COL25A1: variants seen among roughly 807,000 people sequenced by gnomAD.
The protein encoded by COL25A1 is collagen alpha-1(XXV) chain.
Under a neutral mutation model 128.4 loss-of-function variants are expected in COL25A1, and 103 were observed. That is an observed-to-expected ratio of 0.80 (90% CI 0.68 to 0.94). The LOEUF is 0.94. COL25A1 is among the 40% of genes least tolerant of loss of function. The pLI is 0.00. For synonymous variants in COL25A1, 279 were observed against 277.2 expected (o/e 1.01, Z -0.06); for missense variants, 745 against 840.0 (o/e 0.89, Z 1.40).
intron 4 of COL25A1, among the ~76,000 whole-genome samples, chr4:109,048,722 C>T (rs1364617436): frequency 6.6e-6 from 1 of 152,098 alleles, no homozygotes; most frequent in African/African-American, 2.4e-5. Flanking sequence ...ATTTCACACA[C>T]CATTATGCTC....
chr4:109,236,383 CAGA>C, intron 3 of COL25A1, among the ~76,000 whole-genome samples: 1 of 152,164 alleles, frequency 6.6e-6, no homozygotes, highest in Admixed American at 6.6e-5. Flanking sequence ...TGCTAGGCAT[CAGA>C]GGCAGCAGAA....
At chr4:108,898,118 A>G (rs1441447485) in intron 15 of COL25A1, among the ~76,000 whole-genome samples, 1 of 152,178 alleles carries the variant, frequency 6.6e-6, no homozygotes, top group East Asian at 1.9e-4. Context: ...AAAATTGCAC[A>G]AAAATCCCTC....
At chr4:109,294,794 G>C (rs374405866) in intron 3 of COL25A1, among the ~76,000 whole-genome samples, 16 of 152,068 alleles carry the variant, frequency 1.1e-4, no homozygotes, top group East Asian at 5.8e-4. Flanking sequence ...ATAGATTGAT[G>C]TTATTTGGAT....
chr4:109,300,791 A>G, intron 2 of COL25A1, 139 bp from the exon 3 acceptor site: 1 of 599,878 alleles, frequency 1.7e-6, no homozygotes. Context: ...CTTGGACTCT[A>G]GTCAAGAAAG....
At chr4:108,958,616 T>C (rs1750334428) in intron 8 of COL25A1, among the ~76,000 whole-genome samples, 1 of 152,012 alleles carries the variant, frequency 6.6e-6, no homozygotes, top group Non-Finnish European at 1.5e-5. Flanking sequence ...CCTCAAAGTC[T>C]CCTATGTTTC....
intron 3 of COL25A1, among the ~76,000 whole-genome samples, chr4:109,059,614 C>G (rs995518805): frequency 6.6e-6 from 1 of 152,192 alleles, no homozygotes; most frequent in Non-Finnish European, 1.5e-5. Context: ...TAAAAAGACA[C>G]TGTTCTCTCT....
chr4:109,288,367 A>T (rs1724095262), intron 3 of COL25A1, among the ~76,000 whole-genome samples: 1 of 152,198 alleles, frequency 6.6e-6, no homozygotes, highest in African/African-American at 2.4e-5. Flanking sequence ...ACACAGTCAA[A>T]AATATAAGAC....
intron 3 of COL25A1, among the ~76,000 whole-genome samples, chr4:109,062,915 G>A (rs1357601341): frequency 6.6e-6 from 1 of 152,140 alleles, no homozygotes; most frequent in African/African-American, 2.4e-5. Context: ...TTTATGCTGA[G>A]ATAAAAATGG....
rs1298449283 is a variant in COL25A1 at position 108,810,462 on chromosome 4, TC to T, written c.*3464del. The T allele has an allele frequency of 2.0e-4, 30 of 151,994 alleles. No individual in the cohort carries two copies. The highest frequency in any genetic ancestry group is 6.7e-4 in the African/African-American group (28 of 41,526). The allele number at this position is 151,994 out of a possible 1,614,324, so 9.4% of individuals were successfully genotyped here. A position where few individuals can be genotyped will look rare whatever the true frequency, so the allele number is the denominator to read the frequency against. On this transcript the variant is annotated 3_prime_UTR_variant, in exon 38 of 38. Coordinates refer to ENST00000399132, the MANE Select transcript of COL25A1 (RefSeq NM_198721.4). The stretch of plus-strand genomic sequence containing the variant: ...GGTAGGAATTAAAGATATTCTAATG[TC>T]CTCTATAAAATCACATGAGAAAAAA...
At chr4:108,959,314 G>A (rs557782668) in intron 8 of COL25A1, among the ~76,000 whole-genome samples, 14 of 152,068 alleles carry the variant, frequency 9.2e-5, no homozygotes, top group African/African-American at 3.1e-4. Context: ...CCCAATATTA[G>A]CAACTAATCT....
chr4:108,962,553 T>C (rs1750849266), intron 8 of COL25A1, among the ~76,000 whole-genome samples: 1 of 152,124 alleles, frequency 6.6e-6, no homozygotes, highest in Non-Finnish European at 1.5e-5. Context: ...GAGTATCCTA[T>C]GTAACCAGTT....
chr4:109,060,688 A>C (rs1412522765), intron 3 of COL25A1, among the ~76,000 whole-genome samples: 4 of 113,906 alleles, frequency 3.5e-5, no homozygotes, highest in East Asian at 2.0e-4. Flanking sequence ...CTCAATTTTC[A>C]AAAAAAAAAA....
At chr4:109,231,522 C>A (rs1316624886) in intron 3 of COL25A1, among the ~76,000 whole-genome samples, 1 of 152,188 alleles carries the variant, frequency 6.6e-6, no homozygotes, top group Non-Finnish European at 1.5e-5. Context: ...GGAAAGACAA[C>A]TGCAGAGAGG....
At chr4:108,886,143 G>A (rs901475846) in intron 18 of COL25A1, among the ~76,000 whole-genome samples, 13 of 152,094 alleles carry the variant, frequency 8.5e-5, no homozygotes, top group Admixed American at 3.9e-4. Context: ...CAGATACTTA[G>A]AAATTCATAT....
intron 3 of COL25A1, among the ~76,000 whole-genome samples, chr4:109,218,356 G>GTTTTTTTTTTTTTTTTTT (rs796441649): frequency 1.6e-4 from 16 of 100,460 alleles, no homozygotes; most frequent in African/African-American, 6.1e-4. Flanking sequence ...GGTTTTTTGG[G>GTTTTTTTTTTTTTTTTTT]GTTTTTTTTT....
At chr4:109,112,675 G>A (rs1767139679) in intron 3 of COL25A1, among the ~76,000 whole-genome samples, 1 of 151,950 alleles carries the variant, frequency 6.6e-6, no homozygotes, top group Admixed American at 6.6e-5. Context: ...AATGATAGTA[G>A]TCCCAAAGAA....
Position 109,213,623 on chromosome 4 carries a change from A to AT in COL25A1, c.367+86959_367+86960insA, listed in dbSNP as rs1777761336. Among the ~76,000 whole-genome samples the AT allele has an allele frequency of 2.0e-5, 3 of 152,318 alleles. 1 individual carries two copies. The South Asian group carries it at 6.2e-4, about 32-fold the overall frequency. On this transcript the variant is annotated intron_variant, in intron 3 of 37. Transcript: ENST00000399132. Reference sequence around the variant, plus strand: ...CAGCCATGTAAGTGAGTCATCTTAGAAATGGATCCTGCAGCCCCAGTTGAG... The same window carrying AT: ...CAGCCATGTAAGTGAGTCATCTTAGATAATGGATCCTGCAGCCCCAGTTGAG...
intron 19 of COL25A1, among the ~76,000 whole-genome samples, chr4:108,874,399 CTG>C (rs941307609): frequency 3.9e-5 from 6 of 151,924 alleles, no homozygotes; most frequent in African/African-American, 9.7e-5. Context: ...ACGGAGGAAA[CTG>C]GAACTATAAT....
chr4:109,006,002 G>T (rs1343370322), intron 6 of COL25A1, among the ~76,000 whole-genome samples: 1 of 151,392 alleles, frequency 6.6e-6, no homozygotes, highest in Admixed American at 6.6e-5. Context: ...GACATTTTAA[G>T]AAAAAAAGTA....
Sources: gnomAD v4.1 joint callset for allele counts (sites outside exome capture counted in the v4.1 genomes callset) on GRCh38, gnomAD v4.1.1 for gene constraint, MANE v1.5 for transcripts, NCBI Gene and HGNC (gene_info 2026-07-23, HGNC 2026-07-21) for gene names.